CATSPERE: variants seen among roughly 807,000 people sequenced by gnomAD.
The protein encoded by CATSPERE is cation channel sperm-associated auxiliary subunit epsilon.
In CATSPERE, 93 loss-of-function variants were observed where a neutral mutation model predicts 114.1. The observed-to-expected ratio is 0.81, with a 90% CI of 0.69 to 0.97. The LOEUF (loss-of-function observed/expected upper bound fraction) is 0.97, where lower values mean the gene tolerates loss of function less well. Ranked by LOEUF, CATSPERE falls within the 50% of genes least tolerant of loss-of-function variation. The pLI, the probability that CATSPERE is intolerant of heterozygous loss-of-function variation, is 0.00. For synonymous variants in CATSPERE, 341 were observed against 384.1 expected, an observed-to-expected ratio of 0.89 and a Z score of 1.31; for missense variants, 1,058 against 1,131.6, an observed-to-expected ratio of 0.93 and a Z score of 0.93.
intron 14 of CATSPERE, 64 bp downstream of exon 14, chr1:244,588,598 GA>G (rs1667329423): frequency 2.4e-6 from 3 of 1,227,700 alleles, no homozygotes; most frequent in Non-Finnish European, 3.6e-6. Context: ...TAAACTAAGT[GA>G]TAACTGCTAG....
chr1:244,625,426 A>ATT (rs1326525192), intron 20 of CATSPERE, among the ~76,000 whole-genome samples: 1 of 3,942 alleles, frequency 2.5e-4, no homozygotes, highest in Non-Finnish European at 6.6e-4. Context: ...ATATATATAT[A>ATT]TATATATTTT....
intron 7 of CATSPERE, among the ~76,000 whole-genome samples, chr1:244,511,767 C>T (rs1439530951): frequency 1.3e-5 from 2 of 152,168 alleles, no homozygotes; most frequent in Non-Finnish European, 2.9e-5. Flanking sequence ...CCAGGTTTTG[C>T]TTACCTGGGA....
chr1:244,637,832 T>C (rs908603606), intron 21 of CATSPERE, among the ~76,000 whole-genome samples: 4 of 152,218 alleles, frequency 2.6e-5, no homozygotes, highest in African/African-American at 9.6e-5. Flanking sequence ...CAGATGAGCT[T>C]GTTTCCACCC....
chr1:244,554,070 C>T (rs1473830219), intron 9 of CATSPERE, among the ~76,000 whole-genome samples: 1 of 152,118 alleles, frequency 6.6e-6, no homozygotes, highest in African/African-American at 2.4e-5. Flanking sequence ...TCCACTCATC[C>T]ATTGATGTAC....
At chr1:244,621,440 A>C (rs1190213780) in intron 20 of CATSPERE, among the ~76,000 whole-genome samples, 1 of 149,712 alleles carries the variant, frequency 6.7e-6, no homozygotes, top group Non-Finnish European at 1.5e-5. Context: ...ATCTAGCCAA[A>C]AATTTAAAGT....
At chr1:244,598,609 G>T in intron 17 of CATSPERE, 1 of 354,632 alleles carries the variant, frequency 2.8e-6, no homozygotes, top group Non-Finnish European at 5.8e-6. Flanking sequence ...CCAGTCTTAT[G>T]CTTGCCTCCC....
intron 18 of CATSPERE, among the ~76,000 whole-genome samples, chr1:244,608,442 G>A (rs749959028): frequency 2.0e-5 from 3 of 151,446 alleles, no homozygotes; most frequent in East Asian, 1.9e-4. Flanking sequence ...AGGCTGAGGC[G>A]GGAGGATTGC....
rs143247582 is a variant in CATSPERE, at chr1:244,490,479, A to AT, written c.351+14dup. On this transcript the variant is annotated intron_variant, in intron 6 of 21. Coordinates refer to ENST00000366534, the MANE Select transcript of CATSPERE (RefSeq NM_001130957.2). ...TTTAACAACTTTACCCAGGTAAAAT[A>AT]TTTTTTAAATTTTGTATAGCCTTCA... is the stretch of plus-strand genomic sequence containing the variant. The AT allele has an allele frequency of 6.8e-7, 1 of 1,466,082 alleles. No individual in the cohort carries two copies. Among genetic ancestry groups the AT allele is most frequent in the East Asian group, 2.3e-5 (1 of 43,910 alleles). The allele number at this position is 1,466,082 out of a possible 1,614,324, so 90.8% of individuals were successfully genotyped here. A position where few individuals can be genotyped will look rare whatever the true frequency, so the allele number is the denominator to read the frequency against.
intron 7 of CATSPERE, among the ~76,000 whole-genome samples, chr1:244,510,423 T>G (rs1160105992): frequency 6.6e-6 from 1 of 152,222 alleles, no homozygotes; most frequent in African/African-American, 2.4e-5. Flanking sequence ...TTTCAAATAT[T>G]CCTCTTGTTT....
At chr1:244,488,702 GTTC>G (rs1233108095) in intron 5 of CATSPERE, among the ~76,000 whole-genome samples, 2 of 152,162 alleles carry the variant, frequency 1.3e-5, no homozygotes, top group Non-Finnish European at 2.9e-5. Flanking sequence ...CAGTGACTCA[GTTC>G]TTCTTCCCTG....
intron 20 of CATSPERE, among the ~76,000 whole-genome samples, chr1:244,619,463 G>A (rs980487611): frequency 6.6e-6 from 1 of 152,214 alleles, no homozygotes; most frequent in African/African-American, 2.4e-5. Context: ...TGCAGGATTT[G>A]AAAAGAGGGT....
At chr1:244,527,048 C>T (rs1678745462) in intron 8 of CATSPERE, among the ~76,000 whole-genome samples, 1 of 151,840 alleles carries the variant, frequency 6.6e-6, no homozygotes, top group Non-Finnish European at 1.5e-5. Context: ...GATCACAGGA[C>T]CACAGGACCG....
At chr1:244,535,670 T>C (rs1373007224) in intron 8 of CATSPERE, among the ~76,000 whole-genome samples, 3 of 152,166 alleles carry the variant, frequency 2.0e-5, no homozygotes, top group Non-Finnish European at 2.9e-5. Flanking sequence ...GGTTCCCCTC[T>C]GGCCCAAGTC....
chr1:244,491,692 G>A (rs1038899355), intron 6 of CATSPERE, among the ~76,000 whole-genome samples: 22 of 152,112 alleles, frequency 1.4e-4, no homozygotes, highest in East Asian at 5.8e-4. Context: ...TCGATAGACC[G>A]CTAGCAAGAC....
At chr1:244,622,240 G>A (rs1672485785) in intron 20 of CATSPERE, among the ~76,000 whole-genome samples, 3 of 152,136 alleles carry the variant, frequency 2.0e-5, no homozygotes, top group Non-Finnish European at 4.4e-5. Flanking sequence ...CAGCTAGGTA[G>A]AAAATAAGTA....
At chr1:244,497,947 T>A (rs1031279368) in intron 6 of CATSPERE, among the ~76,000 whole-genome samples, 3 of 152,116 alleles carry the variant, frequency 2.0e-5, no homozygotes, top group Non-Finnish European at 4.4e-5. Flanking sequence ...AGAGGGCATA[T>A]TGGTGCAACT....
At chr1:244,566,652 CTTTTTTTTTTTTT>C (rs59466928) in intron 10 of CATSPERE, among the ~76,000 whole-genome samples, 6 of 49,120 alleles carry the variant, frequency 1.2e-4, no homozygotes, top group Non-Finnish European at 2.8e-4. Context: ...GCAACCCCTG[CTTTTTTTTTTTTT>C]TTTTTTTTTT....
At chr1:244,623,717 T>C (rs1354509007) in intron 20 of CATSPERE, among the ~76,000 whole-genome samples, 3 of 152,192 alleles carry the variant, frequency 2.0e-5, no homozygotes, top group Non-Finnish European at 1.5e-5. Context: ...AATTTTTTGG[T>C]TTCCCAGTGC....
chr1:244,512,363 C>A (rs1223246865), intron 7 of CATSPERE, among the ~76,000 whole-genome samples: 1 of 152,114 alleles, frequency 6.6e-6, no homozygotes, highest in Admixed American at 6.5e-5. Flanking sequence ...GCATTGAATT[C>A]TTCAGTTCCA....
Sources: gnomAD v4.1 joint callset for allele counts (sites outside exome capture counted in the v4.1 genomes callset) on GRCh38, gnomAD v4.1.1 for gene constraint, MANE v1.5 for transcripts, NCBI Gene and HGNC (gene_info 2026-07-23, HGNC 2026-07-21) for gene names.